The following HPS1 variants were observed in gnomAD, a reference collection of about 807,000 sequenced individuals.
The protein encoded by HPS1 is BLOC-3 complex member HPS1.
HPS1 carries 59 observed loss-of-function variants against 90.6 expected under a neutral mutation model. The ratio of observed to expected loss-of-function variants is 0.65; its 90% CI spans 0.53 to 0.81. The LOEUF (loss-of-function observed/expected upper bound fraction) is 0.81. Among genes scored for constraint, HPS1 ranks in the 30% least tolerant of loss-of-function variants. The pLI is 0.00. For missense variants in HPS1, 849 were observed against 896.7 expected, an observed-to-expected ratio of 0.95 and a Z score of 0.68; for synonymous variants, 388 against 384.4, an observed-to-expected ratio of 1.01 and a Z score of -0.11.
chr10:98,429,280 T>G, intron 10 of HPS1: 2 of 1,283,034 alleles, frequency 1.6e-6, no homozygotes, highest in Non-Finnish European at 1.0e-6. Flanking sequence ...AATTTTTAAT[T>G]TTAATTACAA....
Position 98,434,016 on chromosome 10 carries a change from G to C in HPS1, c.474C>G (p.Arg158=), listed in dbSNP as rs1846923528. Reference sequence around the variant, plus strand: ...CGAAGCACTGCTCCTGCTCCCGCAGGCGGCTGTAGGTCCACAGCAGGCTCT... The same window carrying C: ...CGAAGCACTGCTCCTGCTCCCGCAGCCGGCTGTAGGTCCACAGCAGGCTCT... ...HFQSLLWTYS[R]LREQEQCFAV... Residue 158 remains arginine, a synonymous_variant, in exon 6 of 20, where the codon CGC becomes CGG. Transcript: ENST00000361490. 1.3e-6 allele frequency: 2 copies of C among 1,558,684 alleles called. No individual in the cohort carries two copies. Among genetic ancestry groups the C allele is most frequent in the South Asian group, 1.2e-5 (1 of 84,520 alleles).
At chr10:98,414,900 CAGA>C, downstream of HPS1, 1 of 1,477,054 alleles carries the variant, frequency 6.8e-7, no homozygotes, top group Non-Finnish European at 9.1e-7. Context: ...TGGGTTATGC[CAGA>C]GGAGAGAGCA....
downstream of HPS1, among the ~76,000 whole-genome samples, chr10:98,416,024 C>G (rs1266116079): frequency 6.6e-6 from 1 of 152,168 alleles, no homozygotes; most frequent in Non-Finnish European, 1.5e-5. Context: ...AGGAAAAAAC[C>G]CCTTGGAGCG....
intron 18 of HPS1, 99 bp downstream of exon 18, chr10:98,419,946 T>A (rs1844633212): frequency 1.1e-6 from 1 of 874,682 alleles, no homozygotes; most frequent in South Asian, 1.3e-5. Flanking sequence ...GAAGAGAAGA[T>A]GAGACAGACA....
rs1844366049 is a variant in HPS1, at chr10:98,418,207, C to A, written c.1908G>T (p.Val636=). 3.1e-6 allele frequency: 5 copies of A among 1,610,586 alleles called. No individual in the cohort carries two copies. The East Asian group carries it at 6.7e-5, about 22-fold the overall frequency. ...AGTCTCCTCCCAGCATGCCGATAGG[C>A]ACTGAGTCGTCGGAGAGGACGGGCA... The part of the protein sequence containing the change: ...IEVPVLSDDS[V]PIGMLGGDYY... Residue 636 remains valine (V), a synonymous_variant, in exon 19 of 20, where the codon GTG becomes GTT. Transcript: ENST00000361490.
chr10:98,414,926 T>C, downstream of HPS1: 1 of 1,537,848 alleles, frequency 6.5e-7, no homozygotes. Flanking sequence ...GGGGCTTGGC[T>C]CCCCCTCCCC....
In HPS1 at chr10:98,429,628, G is replaced by C. The variant is rs1423853559; in HGVS notation, c.882C>G (p.Phe294Leu). The C allele has an allele frequency of 6.2e-7, 1 of 1,614,242 alleles. No homozygotes were observed. ...GSSAETETDS[F>L]SLPEEYFTPA... ...GTGTGAAGTACTCCTCAGGGAGGGA[G>C]AAGCTGTCTGTCTCCTGGAATGGAG... Residue 294 changes from phenylalanine to leucine, a missense_variant, in exon 10 of 20, where the codon TTC (phenylalanine) becomes TTG (leucine). By Grantham distance (22) the Phe-to-Leu change is conservative. Coordinates refer to ENST00000361490, the MANE Select transcript of HPS1 (RefSeq NM_000195.5).
At chr10:98,439,231 G>T (rs61873921) in intron 3 of HPS1, among the ~76,000 whole-genome samples, 36,370 of 152,110 alleles carry the variant, frequency 0.24, 4,787 homozygotes, top group Non-Finnish European at 0.3. Flanking sequence ...CTGGGGCATT[G>T]CCTAGTGGAG....
chr10:98,429,624 G>C lies in HPS1; in HGVS notation c.886C>G (p.Leu296Val). 1 of 1,614,218 alleles carries C rather than the reference G, an allele frequency of 6.2e-7. No homozygotes were observed. The highest frequency in any genetic ancestry group is 8.5e-7 in the Non-Finnish European group (1 of 1,180,036). Reference protein sequence around the residue: ...SAETETDSFSLPEEYFTPAPS... With the variant: ...SAETETDSFSVPEEYFTPAPS... ...GCTGGTGTGAAGTACTCCTCAGGGAGGGAGAAGCTGTCTGTCTCCTGGAAT... is the reference window on the plus strand; with the variant it reads ...GCTGGTGTGAAGTACTCCTCAGGGACGGAGAAGCTGTCTGTCTCCTGGAAT... The change falls in exon 10 of 20, where the codon CTC (leucine) becomes GTC (valine). Residue 296 changes from leucine (L) to valine (V), a missense_variant. Physicochemically the swap from Leu to Val is conservative, Grantham distance 32. Transcript: ENST00000361490.
At chr10:98,416,181 G>A (rs1844093889), downstream of HPS1, 1 of 152,326 alleles carries the variant, frequency 6.6e-6, no homozygotes, top group South Asian at 2.1e-4. Context: ...CCCCGCATGT[G>A]AGCATCTCTG....
Position 98,427,161 on chromosome 10 carries a change from T to C in HPS1, c.987+54A>G, listed in dbSNP as rs1348743245. On this transcript the variant is annotated intron_variant, in intron 11 of 19. Coordinates refer to ENST00000361490, the MANE Select transcript of HPS1 (RefSeq NM_000195.5). ...GCGAAACCCTCAGAGCCCCCAATAC[T>C]CACTGCGGCATCTCAGATCAGCTGG... The C allele has an allele frequency of 2.1e-6, 3 of 1,436,034 alleles. No homozygotes were observed. In the African/African-American group the frequency reaches 4.3e-5, roughly 20 times the overall value. The allele number at this position is 1,436,034 out of a possible 1,614,324, so 89.0% of individuals were successfully genotyped here.
Position 98,429,089 on chromosome 10 carries a change from G to A in HPS1, c.937+484C>T, listed in dbSNP as rs567210640. 820 of 405,226 alleles carry A rather than the reference G, an allele frequency of 2.0e-3. 4 individuals are homozygous for A. The highest frequency in any genetic ancestry group is 2.4e-3 in the Non-Finnish European group (696 of 285,280). 25.1% of individuals were successfully genotyped at this position (405,226 alleles called of 1,614,324 possible). On this transcript the variant is annotated intron_variant, in intron 10 of 19. Coordinates refer to ENST00000361490, the MANE Select transcript of HPS1 (RefSeq NM_000195.5). ...ACTCCTGACCTCAGGTGATCTACCCGCCTCGGCCTCCCAAAGTGCTGGGAT... is the reference window on the plus strand; with the variant it reads ...ACTCCTGACCTCAGGTGATCTACCCACCTCGGCCTCCCAAAGTGCTGGGAT...
intron 3 of HPS1, among the ~76,000 whole-genome samples, chr10:98,438,169 G>A (rs767651592): frequency 3.3e-5 from 5 of 152,316 alleles, no homozygotes; most frequent in Admixed American, 6.5e-5. Context: ...ATAGTGGTAC[G>A]AAAACGGACT....
At chr10:98,428,259 A>C (rs910910148) in intron 10 of HPS1, among the ~76,000 whole-genome samples, 1 of 152,208 alleles carries the variant, frequency 6.6e-6, no homozygotes, top group Non-Finnish European at 1.5e-5. Flanking sequence ...GTGGTTGTCA[A>C]CCTTGGCTAC....
intron 16 of HPS1, among the ~76,000 whole-genome samples, chr10:98,423,016 G>A (rs1845093665): frequency 6.6e-6 from 1 of 152,228 alleles, no homozygotes; most frequent in Non-Finnish European, 1.5e-5. Flanking sequence ...CCTTTCACCT[G>A]CCCACTGAGG....
intron 10 of HPS1, among the ~76,000 whole-genome samples, chr10:98,428,654 G>A (rs910364616): frequency 1.3e-5 from 2 of 150,518 alleles, no homozygotes; most frequent in African/African-American, 4.9e-5. Flanking sequence ...TGAAACCCTG[G>A]CCTTCTTTCT....
intron 17 of HPS1, among the ~76,000 whole-genome samples, chr10:98,421,170 C>G (rs1243604875): frequency 6.6e-6 from 1 of 152,248 alleles, no homozygotes; most frequent in Non-Finnish European, 1.5e-5. Flanking sequence ...CTGCTCCAAA[C>G]TGCATCGCCG....
At chr10:98,432,214 C>T (rs1846580858) in intron 6 of HPS1, among the ~76,000 whole-genome samples, 1 of 152,198 alleles carries the variant, frequency 6.6e-6, no homozygotes, top group South Asian at 2.1e-4. Flanking sequence ...GGATTTTATG[C>T]TAATGGCATT....
chr10:98,429,386 T>A, intron 10 of HPS1, 187 bp downstream of exon 10: 1 of 1,529,502 alleles, frequency 6.5e-7, no homozygotes, highest in Non-Finnish European at 8.8e-7. Context: ...TAACAATCCT[T>A]GAGTTCAGGC....
Sources: gnomAD v4.1 joint callset for allele counts (sites outside exome capture counted in the v4.1 genomes callset) on GRCh38, gnomAD v4.1.1 for gene constraint, MANE v1.5 for transcripts, NCBI Gene and HGNC (gene_info 2026-07-23, HGNC 2026-07-21) for gene names.